INSL6: variants seen among roughly 807,000 people sequenced by gnomAD.
The protein encoded by INSL6 is insulin-like peptide INSL6.
In INSL6, 16 loss-of-function variants were observed where a neutral mutation model predicts 9.4. The observed-to-expected ratio is 1.70, with a 90% CI of 1.15 to 2.59. The LOEUF (loss-of-function observed/expected upper bound fraction) is 2.59. Ranked by LOEUF, INSL6 falls within the 30% of genes most tolerant of loss-of-function variation. The probability of loss-of-function intolerance (pLI) is 0.00; values close to 1 mark genes in which losing one functional copy is unlikely to be tolerated. For missense variants in INSL6, 391 were observed against 257.3 expected (o/e 1.52, Z -3.56); for synonymous variants, 154 against 96.9 (o/e 1.59, Z -3.46).
the INSL6 span, among the ~76,000 whole-genome samples, chr9:5,059,961 T>C: frequency 6.6e-6 from 1 of 152,166 alleles, no homozygotes; most frequent in African/African-American, 2.4e-5. Context: ...TTGTAAAACG[T>C]ATATAGACAT....
At chr9:5,116,259 A>T in the INSL6 span, among the ~76,000 whole-genome samples, 1 of 152,212 alleles carries the variant, frequency 6.6e-6, no homozygotes, top group South Asian at 2.1e-4. Flanking sequence ...AAACCCAAAA[A>T]GTCTGATCCC....
chr9:5,026,932 G>A, the INSL6 span, among the ~76,000 whole-genome samples: 1,420 of 152,170 alleles, frequency 9.3e-3, 16 homozygotes, highest in Middle Eastern at 0.027. Context: ...TAGCCCAAAG[G>A]ACATAATTAT....
At chr9:5,054,609 T>A in the INSL6 span, 1 of 1,611,780 alleles carries the variant, frequency 6.2e-7, no homozygotes, top group Non-Finnish European at 8.5e-7. This position sits in a 1 kb window ranked among gnomAD's most constrained non-coding sequence, Gnocchi z 4.9. Flanking sequence ...GATCCAAGAC[T>A]ATCATATTTT....
chr9:5,126,944 GT>G (rs1824039602), intron 3 of INSL6: 3 of 412,398 alleles, frequency 7.3e-6, no homozygotes, highest in African/African-American at 6.2e-5. Context: ...AACTTTCAAA[GT>G]TTAGTAAGTT....
At chr9:5,117,881 T>A in the INSL6 span, among the ~76,000 whole-genome samples, 1 of 152,114 alleles carries the variant, frequency 6.6e-6, no homozygotes, top group East Asian at 1.9e-4. Flanking sequence ...AATTAGATTT[T>A]ATGAGGATCT....
At chr9:5,090,389 T>TATTTAATCAGTATAA in the INSL6 span, 1 of 1,247,342 alleles carries the variant, frequency 8.0e-7, no homozygotes, top group Non-Finnish European at 1.1e-6. Flanking sequence ...AGTTTTCTAA[T>TATTTAATCAGTATAA]ATTTAATCAG....
chr9:5,104,858 GC>G, the INSL6 span, among the ~76,000 whole-genome samples: 1 of 152,096 alleles, frequency 6.6e-6, no homozygotes, highest in Admixed American at 6.6e-5. Context: ...AAATTCTACA[GC>G]CCTTCATGCC....
At chr9:5,168,660 A>G (rs189834664) in intron 1 of INSL6, among the ~76,000 whole-genome samples, 1 of 152,264 alleles carries the variant, frequency 6.6e-6, no homozygotes, top group East Asian at 1.9e-4. Context: ...AACACACTAC[A>G]GTATATCATC....
chr9:5,143,197 C>A (rs189116816), intron 2 of INSL6, among the ~76,000 whole-genome samples: 8 of 151,204 alleles, frequency 5.3e-5, no homozygotes, highest in Non-Finnish European at 1.0e-4. Context: ...ATGATGCTGA[C>A]CTCATAGAAT....
intron 2 of INSL6, among the ~76,000 whole-genome samples, chr9:5,141,159 G>T (rs1824489448): frequency 6.6e-6 from 1 of 151,670 alleles, no homozygotes; most frequent in Non-Finnish European, 1.5e-5. Flanking sequence ...TGAATATGTT[G>T]CAATGAACAT....
At chr9:5,028,175 C>A in the INSL6 span, among the ~76,000 whole-genome samples, 1 of 152,178 alleles carries the variant, frequency 6.6e-6, no homozygotes, top group Non-Finnish European at 1.5e-5. Flanking sequence ...TGCTCCTTAT[C>A]CATGGGCTGC....
intron 3 of INSL6, chr9:5,126,043 G>C: frequency 4.5e-6 from 1 of 222,138 alleles, no homozygotes; most frequent in Non-Finnish European, 8.7e-6. Flanking sequence ...AAAAATATGA[G>C]TTTTTTAACA....
chr9:5,008,355 C>G, the INSL6 span, among the ~76,000 whole-genome samples: 14 of 152,240 alleles, frequency 9.2e-5, no homozygotes, highest in Admixed American at 5.9e-4. Context: ...GATATGCATT[C>G]TTCAGTTGTT....
the INSL6 span, among the ~76,000 whole-genome samples, chr9:5,055,276 G>C: frequency 1.3e-5 from 2 of 151,880 alleles, no homozygotes; most frequent in African/African-American, 4.8e-5. Flanking sequence ...ATTTATTTTA[G>C]GTTTGCATTG....
chr9:5,131,435 A>ATTTTTTTTTTTTTTTTT (rs550915336), intron 3 of INSL6, among the ~76,000 whole-genome samples: 19 of 115,832 alleles, frequency 1.6e-4, no homozygotes, highest in African/African-American at 4.8e-4. Context: ...CCAGTTAACA[A>ATTTTTTTTTTTTTTTTT]TTTTTTTTTT....
the INSL6 span, chr9:5,090,570 G>GGTAACTAATATCCTGATTATTTGCTGT: frequency 1.6e-5 from 25 of 1,568,398 alleles, no homozygotes; most frequent in African/African-American, 3.0e-4. Context: ...AGATATGCAA[G>GGTAACTAATATCCTGATTATTTGCTGT]GTAACTAATA....
At chr9:5,159,279 TA>T (rs1189424017), downstream of INSL6, among the ~76,000 whole-genome samples, 1 of 151,674 alleles carries the variant, frequency 6.6e-6, no homozygotes, top group African/African-American at 2.4e-5. Flanking sequence ...ATGGCAGGAA[TA>T]AGTCCTTACT....
the INSL6 span, among the ~76,000 whole-genome samples, chr9:5,068,166 A>T: frequency 1.1e-5 from 1 of 90,532 alleles, no homozygotes; most frequent in African/African-American, 8.3e-5. Context: ...CTCAAAAAAA[A>T]ACAACAACAA....
chr9:5,104,935 A>C, the INSL6 span, among the ~76,000 whole-genome samples: 1 of 152,330 alleles, frequency 6.6e-6, no homozygotes, highest in African/African-American at 2.4e-5. Context: ...GTTTATGACA[A>C]ACTCACAGCC....
Sources: allele counts gnomAD v4.1 joint callset (sites outside exome capture counted in the v4.1 genomes callset), GRCh38; gene constraint gnomAD v4.1.1; non-coding constraint Gnocchi (gnomAD v3.1); transcripts MANE v1.5; gene names NCBI Gene and HGNC (gene_info 2026-07-23, HGNC 2026-07-21).